PALM2AKAP2: variants seen among roughly 807,000 people sequenced by gnomAD.
PALM2AKAP2 encodes the protein PALM2-AKAP2 fusion protein.
Under a neutral mutation model 71.5 loss-of-function variants are expected in PALM2AKAP2, and 37 were observed. The ratio of observed to expected loss-of-function variants is 0.52; its 90% CI spans 0.40 to 0.68. The LOEUF is 0.68. PALM2AKAP2 is among the 30% of genes least tolerant of loss of function. The pLI, the probability that PALM2AKAP2 is intolerant of heterozygous loss-of-function variation, is 0.00. For missense variants in PALM2AKAP2, 1,224 were observed against 1,191.8 expected (o/e 1.03, Z -0.40); for synonymous variants, 468 against 478.8 (o/e 0.98, Z 0.29).
chr9:109,866,924 T>C (rs1405911942), intron 1 of PALM2AKAP2: 1 of 414,884 alleles, frequency 2.4e-6, no homozygotes, highest in African/African-American at 2.1e-5. Flanking sequence ...CCAAGGCTAG[T>C]GGCAGCAAAT....
intron 6 of PALM2AKAP2, among the ~76,000 whole-genome samples, chr9:110,001,646 G>A (rs896045011): frequency 2.6e-5 from 4 of 152,152 alleles, no homozygotes; most frequent in African/African-American, 7.2e-5. Context: ...CTACCCATGA[G>A]CATGGAATGT....
Position 109,766,881 on chromosome 9 carries a change from T to C in PALM2AKAP2, c.6-13607T>C, listed in dbSNP as rs570380477. 2.6e-5 allele frequency among the ~76,000 whole-genome samples: 4 copies of C among 152,246 alleles called. No individual in the cohort carries two copies. The South Asian group carries it at 8.3e-4, about 32-fold the overall frequency. On this transcript the variant is annotated intron_variant, in intron 1 of 6. Transcript: ENST00000374531. ...CCCAGGGCTCCCCCATGCCAATAAATATGGAGCTGACGTTGGAACCCAGAG... is the reference window on the plus strand; with the variant it reads ...CCCAGGGCTCCCCCATGCCAATAAACATGGAGCTGACGTTGGAACCCAGAG...
At chr9:109,972,925 TCACCTTTTACCAATAATGGCTTAATA>T (rs1433966082) in intron 6 of PALM2AKAP2, among the ~76,000 whole-genome samples, 2 of 152,310 alleles carry the variant, frequency 1.3e-5, no homozygotes, top group South Asian at 2.1e-4. Context: ...TATAAATCTT[TCACCTTTTACCAATAATGGCTTAATA>T]CACCTTTTAC....
At chr9:110,139,987 C>T (rs1835987351) in intron 2 of PALM2AKAP2, among the ~76,000 whole-genome samples, 1 of 152,200 alleles carries the variant, frequency 6.6e-6, no homozygotes, top group Admixed American at 6.5e-5. Context: ...CAACTCTGAT[C>T]ACTTAATATT....
intron 1 of PALM2AKAP2, among the ~76,000 whole-genome samples, chr9:109,646,326 A>G (rs781743605): frequency 6.6e-5 from 10 of 152,238 alleles, no homozygotes; most frequent in African/African-American, 2.4e-4. Flanking sequence ...TTTGCCTCAC[A>G]CTTCTCTGGA....
At chr9:109,696,387 G>C (rs528302469) in intron 1 of PALM2AKAP2, among the ~76,000 whole-genome samples, 1 of 152,266 alleles carries the variant, frequency 6.6e-6, no homozygotes, top group East Asian at 1.9e-4. Context: ...AATTAAAGTT[G>C]CAACAAGATG....
chr9:110,031,324 T>G (rs918213950), intron 7 of PALM2AKAP2, among the ~76,000 whole-genome samples: 2 of 152,038 alleles, frequency 1.3e-5, no homozygotes, highest in African/African-American at 2.4e-5. Flanking sequence ...GAGACAGGGT[T>G]TCACCATGTT....
At position 110,130,867 on chromosome 9, in the gene PALM2AKAP2, C is replaced by A. The variant is rs112945300; in HGVS notation, c.157-5260C>A. ...AAGATCTCTAATCCACAAATTTGAA[C>A]ACCACCAATTTCACGGATTTCTAAC... On this transcript the variant is annotated intron_variant, in intron 1 of 3. Coordinates refer to ENST00000374525, the Ensembl canonical transcript of PALM2AKAP2. 7.9e-3 allele frequency among the ~76,000 whole-genome samples: 1,205 copies of A among 152,312 alleles called. 6 individuals are homozygous for A. Among genetic ancestry groups the A allele is most frequent in the Non-Finnish European group, 0.013 (906 of 68,024 alleles).
chr9:109,748,402 T>G (rs1427399108), intron 1 of PALM2AKAP2, among the ~76,000 whole-genome samples: 1 of 152,148 alleles, frequency 6.6e-6, no homozygotes, highest in Non-Finnish European at 1.5e-5. Context: ...AGCTGGGGCA[T>G]CGGCCTTAAA....
At chr9:109,868,135 T>C (rs1307792643) in intron 2 of PALM2AKAP2, among the ~76,000 whole-genome samples, 1 of 152,126 alleles carries the variant, frequency 6.6e-6, no homozygotes, top group Non-Finnish European at 1.5e-5. Context: ...TGGTCAAAGA[T>C]GGCTTTGAAA....
chr9:109,775,366 A>C (rs1226265020), upstream of PALM2AKAP2, among the ~76,000 whole-genome samples: 1 of 152,230 alleles, frequency 6.6e-6, no homozygotes, highest in Non-Finnish European at 1.5e-5. Context: ...ATTTTTCACA[A>C]TGGTGCTGTT....
chr9:109,694,975 G>GA (rs986651865), intron 1 of PALM2AKAP2, among the ~76,000 whole-genome samples: 1 of 151,486 alleles, frequency 6.6e-6, no homozygotes, highest in Non-Finnish European at 1.5e-5. Flanking sequence ...ATGTCACCTG[G>GA]AAAAAAAAGT....
chr9:110,150,156 C>A (rs559324815), intron 2 of PALM2AKAP2, among the ~76,000 whole-genome samples: 42 of 152,254 alleles, frequency 2.8e-4, no homozygotes, highest in South Asian at 6.2e-4. Flanking sequence ...TGTGTGGACA[C>A]AGCAAGAGGG....
chr9:109,758,981 AT>A (rs1264818267), intron 1 of PALM2AKAP2, among the ~76,000 whole-genome samples: 1 of 151,872 alleles, frequency 6.6e-6, no homozygotes, highest in East Asian at 1.9e-4. Flanking sequence ...AGCTATTTGT[AT>A]TTTCTATTCT....
chr9:110,120,285 C>T (rs1040870513), intron 1 of PALM2AKAP2, among the ~76,000 whole-genome samples: 1 of 152,174 alleles, frequency 6.6e-6, no homozygotes, highest in African/African-American at 2.4e-5. Flanking sequence ...AGATACCATG[C>T]CTGAGGCAGA....
intron 1 of PALM2AKAP2, 95 bp from the exon 2 acceptor site, chr9:109,867,396 A>T (rs1425208556): frequency 1.4e-6 from 2 of 1,418,310 alleles, no homozygotes; most frequent in East Asian, 2.3e-5. Flanking sequence ...AAGTGTCTAT[A>T]CAGATGTGTG....
intron 1 of PALM2AKAP2, among the ~76,000 whole-genome samples, chr9:109,839,001 T>C (rs1828572143): frequency 6.6e-6 from 1 of 152,182 alleles, no homozygotes; most frequent in African/African-American, 2.4e-5. Flanking sequence ...TTCCAATGAA[T>C]AGGAAAAGAG....
chr9:110,053,527 C>CAAAAAAAAAAAAAAAAAAA (rs56132919), intron 1 of PALM2AKAP2, among the ~76,000 whole-genome samples: 15 of 82,832 alleles, frequency 1.8e-4, no homozygotes, highest in East Asian at 8.0e-4. Context: ...AACTCTGTCT[C>CAAAAAAAAAAAAAAAAAAA]AAAAAAAAAA....
intron 6 of PALM2AKAP2, among the ~76,000 whole-genome samples, chr9:109,978,282 A>G (rs1254738465): frequency 6.6e-6 from 1 of 152,176 alleles, no homozygotes; most frequent in Non-Finnish European, 1.5e-5. Context: ...ATTTCTGTGG[A>G]TCACAGCAGG....
Sources: allele counts gnomAD v4.1 joint callset (sites outside exome capture counted in the v4.1 genomes callset), GRCh38; gene constraint gnomAD v4.1.1; transcripts MANE v1.5; gene names NCBI Gene and HGNC (gene_info 2026-07-23, HGNC 2026-07-21).